Variants in ATE1 observed in about 807,000 individuals in gnomAD.
ATE1 encodes arginyl-tRNA--protein transferase 1.
In ATE1, 36 loss-of-function variants were observed where a neutral mutation model predicts 70.5. The ratio of observed to expected loss-of-function variants is 0.51; its 90% CI spans 0.39 to 0.67. ATE1 has a LOEUF of 0.67. Ranked by LOEUF, ATE1 falls within the 30% of genes least tolerant of loss-of-function variation. ATE1 has a pLI of 0.00. For synonymous variants in ATE1, 232 were observed against 219.3 expected (o/e 1.06, Z -0.51); for missense variants, 593 against 629.5 (o/e 0.94, Z 0.62).
chr10:121,912,544 C>T (rs375356861), intron 4 of ATE1, among the ~76,000 whole-genome samples: 3 of 151,338 alleles, frequency 2.0e-5, no homozygotes, highest in Non-Finnish European at 2.9e-5. Flanking sequence ...CCCAGCTACT[C>T]GGGAGGCGGA....
At chr10:121,899,722 T>C in intron 7 of ATE1, 144 bp downstream of exon 7, 1 of 1,237,380 alleles carries the variant, frequency 8.1e-7, no homozygotes, top group Admixed American at 2.7e-5. Context: ...AGAATGTCCA[T>C]TAATTCAGTC....
chr10:121,789,865 G>C (rs1471321982), intron 11 of ATE1, among the ~76,000 whole-genome samples: 5 of 152,070 alleles, frequency 3.3e-5, no homozygotes, highest in Non-Finnish European at 7.4e-5. Context: ...TTTAGGCACC[G>C]TGATAGTTGG....
intron 9 of ATE1, among the ~76,000 whole-genome samples, chr10:121,839,225 T>C (rs1225432611): frequency 6.6e-6 from 1 of 152,212 alleles, no homozygotes; most frequent in African/African-American, 2.4e-5. Flanking sequence ...TTTGCAGGGA[T>C]ATACAAGGTG....
At chr10:121,898,698 A>T in intron 7 of ATE1, 1 of 936,060 alleles carries the variant, frequency 1.1e-6, no homozygotes, top group Non-Finnish European at 1.5e-6. Context: ...TAAAATGCTC[A>T]CATGTATGAG....
In ATE1 at chr10:121,922,349, C is replaced by A; in HGVS notation, c.233G>T (p.Arg78Met). ...NQTCCPQYTI[R>M]CRPLQFQPSK... ...TCTTTCTACTAATTAAAATTCTTAC[C>A]TTATTGTGTACTGAGGACAACATGT... Residue 78 changes from arginine to methionine, a missense_variant and splice_region_variant, in exon 3 of 12, where the codon AGG becomes ATG. Around this residue, in one of 3 missense-constraint regions of ATE1, gnomAD observed 467 missense variants for 469.6 expected, o/e 0.99. Coordinates refer to ENST00000224652, the MANE Select transcript of ATE1 (RefSeq NM_001001976.3). The A allele has an allele frequency of 1.3e-6, 2 of 1,580,992 alleles. No individual in the cohort carries two copies. The highest frequency in any genetic ancestry group is 1.7e-6 in the Non-Finnish European group (2 of 1,153,884).
chr10:121,861,268 G>A (rs1047168286), intron 8 of ATE1, among the ~76,000 whole-genome samples: 4 of 152,048 alleles, frequency 2.6e-5, no homozygotes, highest in African/African-American at 7.2e-5. Context: ...CTTCAGCCAG[G>A]AAACTCCTGG....
intron 10 of ATE1, among the ~76,000 whole-genome samples, chr10:121,829,183 G>C (rs1286056787): frequency 6.6e-6 from 1 of 152,088 alleles, no homozygotes; most frequent in Admixed American, 6.5e-5. Flanking sequence ...CCAGCACTTT[G>C]GGAGGCCGAG....
intron 7 of ATE1, among the ~76,000 whole-genome samples, chr10:121,896,387 G>T (rs1403943029): frequency 6.6e-6 from 1 of 152,214 alleles, no homozygotes; most frequent in Admixed American, 6.5e-5. Context: ...AAAGTATGGA[G>T]AGATAGATTA....
At chr10:121,772,849 T>C (rs1196124018) in intron 11 of ATE1, among the ~76,000 whole-genome samples, 2 of 152,258 alleles carry the variant, frequency 1.3e-5, no homozygotes, top group Admixed American at 1.3e-4. Context: ...AAATTCAATG[T>C]GCATAATCAA....
Position 121,827,503 on chromosome 10 carries a change from C to A in ATE1, c.1257+9215G>T, listed in dbSNP as rs187744434. ...CCCTCCCGCTTCAGCAGGATGAGCT[C>A]CTCCCAGGAGAAACTCTTCTCAGTT... On this transcript the variant is annotated intron_variant, in intron 10 of 11. Coordinates refer to ENST00000224652, the MANE Select transcript of ATE1 (RefSeq NM_001001976.3). Among the ~76,000 whole-genome samples, 5 of 152,300 alleles carry A rather than the reference C, an allele frequency of 3.3e-5. No individual in the cohort carries two copies. In the East Asian group the frequency reaches 9.6e-4, roughly 29 times the overall value.
At chr10:121,895,506 C>T (rs376286194) in intron 7 of ATE1, among the ~76,000 whole-genome samples, 1 of 151,728 alleles carries the variant, frequency 6.6e-6, no homozygotes, top group Non-Finnish European at 1.5e-5. Context: ...CCCAGCTACT[C>T]GGGAGGCTGA....
At chr10:121,826,066 C>T (rs917350272) in intron 10 of ATE1, among the ~76,000 whole-genome samples, 6 of 152,138 alleles carry the variant, frequency 3.9e-5, no homozygotes, top group Non-Finnish European at 8.8e-5. Context: ...AAGTCAGTTA[C>T]AGAAAGACAA....
rs771030920 is a variant in ATE1 at position 121,841,250 on chromosome 10, G to A, written c.989C>T (p.Pro330Leu). 6.6e-7 allele frequency: 1 copy of A among 1,513,128 alleles called. No individual in the cohort carries two copies. Among genetic ancestry groups the A allele is most frequent in the Non-Finnish European group, 8.9e-7 (1 of 1,122,922 alleles). 93.7% of individuals were successfully genotyped at this position (1,513,128 alleles called of 1,614,324 possible). A position where few individuals can be genotyped will look rare whatever the true frequency, so the allele number is the denominator to read the frequency against. The change falls in exon 9 of 12, where the codon CCT becomes CTT. Residue 330 changes from proline (P) to leucine (L), a missense_variant. Coordinates refer to ENST00000224652, the MANE Select transcript of ATE1 (RefSeq NM_001001976.3). Reference sequence around the variant, plus strand: ...GCCATAGCCACAATCTGGCCCATTAGGGGGAGTCTCTGCCTAAGAAAAAGC... The same window carrying A: ...GCCATAGCCACAATCTGGCCCATTAAGGGGAGTCTCTGCCTAAGAAAAAGC... ...CSSPLEAETP[P>L]NGPDCGYGSF...
intron 11 of ATE1, among the ~76,000 whole-genome samples, chr10:121,760,414 C>A (rs1944990776): frequency 6.6e-6 from 1 of 152,208 alleles, no homozygotes; most frequent in African/African-American, 2.4e-5. Context: ...AAACTATCAA[C>A]ATTAACAGAC....
At chr10:121,857,696 A>C (rs1211685295) in intron 8 of ATE1, among the ~76,000 whole-genome samples, 1 of 152,248 alleles carries the variant, frequency 6.6e-6, no homozygotes, top group Non-Finnish European at 1.5e-5. Flanking sequence ...AACAGAATCA[A>C]CCTACATACC....
intron 1 of ATE1, among the ~76,000 whole-genome samples, chr10:121,925,320 T>C (rs1040485856): frequency 1.3e-5 from 2 of 151,508 alleles, no homozygotes; most frequent in African/African-American, 4.9e-5. Context: ...CTTGGGAGGC[T>C]GAGGCAGGAG....
At chr10:121,912,991 T>A (rs1190022065) in intron 4 of ATE1, among the ~76,000 whole-genome samples, 9 of 152,098 alleles carry the variant, frequency 5.9e-5, no homozygotes. Context: ...GCGATTCTCC[T>A]GCCTCAACCT....
chr10:121,805,051 G>C (rs750355164), intron 10 of ATE1, among the ~76,000 whole-genome samples: 14 of 152,140 alleles, frequency 9.2e-5, no homozygotes, highest in Non-Finnish European at 1.5e-4. Flanking sequence ...TTTGGGAAGT[G>C]TATGATTTAC....
In ATE1 at chr10:121,758,030, C is replaced by T. The variant is rs111418318; in HGVS notation, c.1379-14172G>A. Among the ~76,000 whole-genome samples, 429 of 152,114 alleles carry T rather than the reference C, an allele frequency of 2.8e-3. 5 individuals are homozygous for T. Among genetic ancestry groups the T allele is most frequent in the Middle Eastern group, 0.017 (5 of 294 alleles). Reference sequence around the variant, plus strand: ...GAGATCCTTACCAGTTGCACAGTAACGGAAATGTGGCTATCAAAATAAAAA... The same window carrying T: ...GAGATCCTTACCAGTTGCACAGTAATGGAAATGTGGCTATCAAAATAAAAA... On this transcript the variant is annotated intron_variant, in intron 11 of 11. Transcript: ENST00000224652.
Sources: allele counts gnomAD v4.1 joint callset (sites outside exome capture counted in the v4.1 genomes callset), GRCh38; gene constraint gnomAD v4.1.1; regional missense constraint gnomAD v4.1.1; transcripts MANE v1.5; gene names NCBI Gene and HGNC (gene_info 2026-07-23, HGNC 2026-07-21).